Variants in MAGI2 observed in about 807,000 individuals in gnomAD.
MAGI2 encodes the protein membrane associated guanylate kinase, WW and PDZ domain containing 2.
MAGI2 carries 35 observed loss-of-function variants against 133.3 expected under a neutral mutation model. The ratio of observed to expected loss-of-function variants is 0.26; its 90% CI spans 0.20 to 0.35. The LOEUF (loss-of-function observed/expected upper bound fraction) is 0.35, where lower values mean the gene tolerates loss of function less well. Among genes scored for constraint, MAGI2 ranks in the 10% least tolerant of loss-of-function variants. The probability of loss-of-function intolerance (pLI) is 1.00; values close to 1 mark genes in which losing one functional copy is unlikely to be tolerated. For missense variants in MAGI2, 1,636 were observed against 1,863.4 expected (o/e 0.88, Z 2.25); for synonymous variants, 729 against 710.6 (o/e 1.03, Z -0.41).
At position 78,745,787 on chromosome 7, in the gene MAGI2, G is replaced by A. The variant is rs1585269871; in HGVS notation, c.419-118548C>T. On this transcript the variant is annotated intron_variant, in intron 2 of 21. Coordinates refer to ENST00000354212, the MANE Select transcript of MAGI2 (RefSeq NM_012301.4). ...CAAGAAGTGAATACAACATTACTGG[G>A]ATACTCAGAAAATCATTTGCTTGGT... 2.0e-5 allele frequency among the ~76,000 whole-genome samples: 3 copies of A among 152,214 alleles called. No homozygotes were observed. In the East Asian group the frequency reaches 5.8e-4, roughly 29 times the overall value.
intron 9 of MAGI2, among the ~76,000 whole-genome samples, chr7:78,298,000 TGTC>T (rs1391849056): frequency 1.5e-4 from 20 of 132,526 alleles, no homozygotes; most frequent in African/African-American, 5.5e-4. Context: ...AAAAAAGAAT[TGTC>T]TGGGAAAAAA....
At position 79,060,692 on chromosome 7, in the gene MAGI2, A is replaced by G. The variant is rs574947065; in HGVS notation, c.302-53486T>C. ...ATCTGACTCTGGGTAATGATAAAGC[A>G]CGAGAATTAAGGTCCTGTGGCCTGA... On this transcript the variant is annotated intron_variant, in intron 1 of 21. Transcript: ENST00000354212. Among the ~76,000 whole-genome samples, 7 of 152,184 alleles carry G rather than the reference A, an allele frequency of 4.6e-5. No individual in the cohort carries two copies. In the South Asian group the frequency reaches 1.5e-3, roughly 32 times the overall value.
intron 2 of MAGI2, among the ~76,000 whole-genome samples, chr7:78,744,181 C>G (rs959512367): frequency 6.6e-6 from 1 of 151,900 alleles, no homozygotes; most frequent in Non-Finnish European, 1.5e-5. Flanking sequence ...CATTGATATC[C>G]TCTTTCGTCA....
chr7:79,364,161 T>C (rs1842542130), intron 1 of MAGI2, among the ~76,000 whole-genome samples: 1 of 151,964 alleles, frequency 6.6e-6, no homozygotes, highest in African/African-American at 2.4e-5. Context: ...AGACAGCCAT[T>C]ATAAAAAACA....
At chr7:78,725,828 A>G (rs1027679979) in intron 2 of MAGI2, among the ~76,000 whole-genome samples, 11 of 152,056 alleles carry the variant, frequency 7.2e-5, no homozygotes, top group African/African-American at 2.4e-4. Context: ...CAAACAAACA[A>G]ACAAACAAAG....
intron 2 of MAGI2, among the ~76,000 whole-genome samples, chr7:78,679,795 G>T (rs776182590): frequency 3.9e-5 from 6 of 152,100 alleles, no homozygotes; most frequent in Non-Finnish European, 5.9e-5. Flanking sequence ...GAGATGAGGT[G>T]CTTTCATTTT....
At chr7:78,355,102 C>T (rs1277860442) in intron 7 of MAGI2, among the ~76,000 whole-genome samples, 2 of 152,104 alleles carry the variant, frequency 1.3e-5, no homozygotes, top group African/African-American at 4.8e-5. Flanking sequence ...AAAATTATGC[C>T]ATTACTAGAA....
chr7:78,446,938 G>A (rs967893690), intron 6 of MAGI2, among the ~76,000 whole-genome samples: 6 of 151,998 alleles, frequency 3.9e-5, no homozygotes, highest in African/African-American at 1.4e-4. Context: ...ACTGTGGCCC[G>A]TTTATAGGAT....
At chr7:78,558,524 G>A (rs1800056638) in intron 3 of MAGI2, among the ~76,000 whole-genome samples, 2 of 152,086 alleles carry the variant, frequency 1.3e-5, no homozygotes, top group Non-Finnish European at 2.9e-5. Flanking sequence ...GAAACATGAG[G>A]CAGTGAAAAT....
chr7:78,066,932 C>A (rs1813892935), intron 21 of MAGI2, among the ~76,000 whole-genome samples: 1 of 152,208 alleles, frequency 6.6e-6, no homozygotes, highest in South Asian at 2.1e-4. Flanking sequence ...ACACGTGGTG[C>A]TATGTATATA....
At chr7:78,257,987 G>A (rs1036277199) in intron 9 of MAGI2, among the ~76,000 whole-genome samples, 1 of 152,172 alleles carries the variant, frequency 6.6e-6, no homozygotes, top group East Asian at 1.9e-4. Flanking sequence ...TTTTGTAGGT[G>A]TATAACATAA....
At chr7:78,746,780 GTTTT>G (rs201137059) in intron 2 of MAGI2, among the ~76,000 whole-genome samples, 1 of 151,844 alleles carries the variant, frequency 6.6e-6, no homozygotes, top group Non-Finnish European at 1.5e-5. Context: ...GAGTTTTCTA[GTTTT>G]TTTTACAAAG....
At chr7:78,838,250 C>T (rs1393540029) in intron 2 of MAGI2, among the ~76,000 whole-genome samples, 6 of 151,802 alleles carry the variant, frequency 4.0e-5, no homozygotes, top group African/African-American at 1.5e-4. Context: ...GAATGTAAAT[C>T]CTAAAAGACA....
intron 14 of MAGI2, among the ~76,000 whole-genome samples, chr7:78,171,282 A>G (rs1192331383): frequency 1.3e-5 from 2 of 152,162 alleles, no homozygotes; most frequent in East Asian, 3.9e-4. Flanking sequence ...TTGGTTTCCC[A>G]ATGCATACAT....
intron 1 of MAGI2, among the ~76,000 whole-genome samples, chr7:79,334,986 A>G (rs760873590): frequency 6.6e-6 from 1 of 152,184 alleles, no homozygotes; most frequent in African/African-American, 2.4e-5. Context: ...AAAAGTCTCT[A>G]TGGTAACATT....
chr7:78,791,942 T>C (rs555380524), intron 2 of MAGI2, among the ~76,000 whole-genome samples: 18 of 152,320 alleles, frequency 1.2e-4, no homozygotes, highest in African/African-American at 3.6e-4. Flanking sequence ...TATAAAATTA[T>C]GTTTTAGAAT....
intron 12 of MAGI2, among the ~76,000 whole-genome samples, chr7:78,187,675 T>C (rs1827822092): frequency 6.6e-6 from 1 of 152,200 alleles, no homozygotes; most frequent in Non-Finnish European, 1.5e-5. Flanking sequence ...CTGGCACAAT[T>C]GTTATTTTTT....
At chr7:78,179,318 C>T (rs1826963390) in intron 13 of MAGI2, among the ~76,000 whole-genome samples, 1 of 152,176 alleles carries the variant, frequency 6.6e-6, no homozygotes, top group Non-Finnish European at 1.5e-5. Context: ...GTCTGAGCCA[C>T]ATGATTATAC....
At chr7:78,738,519 T>C (rs1162236703) in intron 2 of MAGI2, among the ~76,000 whole-genome samples, 1 of 152,176 alleles carries the variant, frequency 6.6e-6, no homozygotes, top group Non-Finnish European at 1.5e-5. Flanking sequence ...CTTAGTTTGC[T>C]AACAAATCAT....
Sources: allele counts gnomAD v4.1 joint callset (sites outside exome capture counted in the v4.1 genomes callset), GRCh38; gene constraint gnomAD v4.1.1; transcripts MANE v1.5; gene names NCBI Gene and HGNC (gene_info 2026-07-23, HGNC 2026-07-21).